Variants in FUT9 observed in about 807,000 individuals in gnomAD.
FUT9 encodes the protein 4-galactosyl-N-acetylglucosaminide 3-alpha-L-fucosyltransferase 9.
In FUT9, 15 loss-of-function variants were observed where a neutral mutation model predicts 29.7. That is an observed-to-expected ratio of 0.51 (90% CI 0.34 to 0.78). The LOEUF (loss-of-function observed/expected upper bound fraction) is 0.78. Among genes scored for constraint, FUT9 ranks in the 30% least tolerant of loss-of-function variants. The pLI, the probability that FUT9 is intolerant of heterozygous loss-of-function variation, is 0.01. For missense variants in FUT9, 319 were observed against 425.4 expected, an observed-to-expected ratio of 0.75 and a Z score of 2.20; for synonymous variants, 169 against 153.7, an observed-to-expected ratio of 1.10 and a Z score of -0.74.
At chr6:96,130,518 C>T (rs990750794) in intron 2 of FUT9, among the ~76,000 whole-genome samples, 4 of 152,088 alleles carry the variant, frequency 2.6e-5, no homozygotes, top group Non-Finnish European at 5.9e-5. Flanking sequence ...AAAGCAGAGA[C>T]ATTGTTCTTG....
intron 2 of FUT9, among the ~76,000 whole-genome samples, chr6:96,158,380 G>T (rs889063779): frequency 3.9e-5 from 6 of 152,114 alleles, no homozygotes; most frequent in African/African-American, 1.4e-4. Flanking sequence ...TATATGATAT[G>T]TGTGTATGTA....
chr6:96,199,200 G>A (rs1773684547), intron 2 of FUT9, among the ~76,000 whole-genome samples: 1 of 152,132 alleles, frequency 6.6e-6, no homozygotes, highest in Non-Finnish European at 1.5e-5. Context: ...ACTGCTGCAG[G>A]TGTTTTTAAA....
chr6:96,208,497 A>G lies in FUT9; in HGVS notation c.*4262A>G, dbSNP rs1313201359. On this transcript the variant is annotated 3_prime_UTR_variant, in exon 3 of 3. Coordinates refer to ENST00000302103, the MANE Select transcript of FUT9 (RefSeq NM_006581.4). Reference sequence around the variant, plus strand: ...GAGGGTCATATCAAATACTTGTTGAATAAATACATGAATGTGATAAGTGGT... The same window carrying G: ...GAGGGTCATATCAAATACTTGTTGAGTAAATACATGAATGTGATAAGTGGT... 1 of 166,912 alleles carries G rather than the reference A, an allele frequency of 6.0e-6. No homozygotes were observed. The highest frequency in any genetic ancestry group is 1.5e-5 in the Non-Finnish European group (1 of 68,028). The allele number at this position is 166,912 out of a possible 1,614,324, so 10.3% of individuals were successfully genotyped here.
intron 2 of FUT9, among the ~76,000 whole-genome samples, chr6:96,132,244 C>G (rs1157719334): frequency 6.6e-6 from 1 of 150,728 alleles, no homozygotes; most frequent in East Asian, 1.9e-4. Context: ...CTCCATGAAA[C>G]TTTTTATTAG....
intron 1 of FUT9, chr6:96,037,267 G>A (rs1770380154): frequency 6.6e-6 from 1 of 152,016 alleles, no homozygotes; most frequent in African/African-American, 2.4e-5. Context: ...TAAGGTCTAA[G>A]GAAGCTAAAT....
At position 96,180,315 on chromosome 6, in the gene FUT9, T is replaced by C. The variant is rs182311954; in HGVS notation, c.-8-22833T>C. On this transcript the variant is annotated intron_variant, in intron 2 of 2. Transcript: ENST00000302103. ...AGTTTTTAGATGAATAACTGAGACATGGAAGGTTGGGGATGTTGCCCAAAA... is the reference window on the plus strand; with the variant it reads ...AGTTTTTAGATGAATAACTGAGACACGGAAGGTTGGGGATGTTGCCCAAAA... Among the ~76,000 whole-genome samples the C allele has an allele frequency of 4.7e-3, 718 of 152,108 alleles. 7 individuals are homozygous for C. The highest frequency in any genetic ancestry group is 0.017 in the African/African-American group (695 of 41,514).
intron 1 of FUT9, among the ~76,000 whole-genome samples, chr6:96,073,589 G>T (rs1031738512): frequency 2.0e-5 from 3 of 152,186 alleles, no homozygotes; most frequent in Admixed American, 2.0e-4. Flanking sequence ...CAAGAGTGAG[G>T]TCAGGTTGAG....
chr6:96,109,645 C>G (rs1481046008), intron 1 of FUT9, among the ~76,000 whole-genome samples: 4 of 152,156 alleles, frequency 2.6e-5, no homozygotes, highest in Non-Finnish European at 5.9e-5. Flanking sequence ...ACACTTATTT[C>G]CACCAAACCT....
chr6:96,069,306 G>C (rs1401477117), intron 1 of FUT9, among the ~76,000 whole-genome samples: 1 of 134,958 alleles, frequency 7.4e-6, no homozygotes, highest in African/African-American at 2.7e-5. Context: ...GGGCTACAGA[G>C]CATGACTCCA....
chr6:96,080,223 A>G (rs1192768719), intron 1 of FUT9, among the ~76,000 whole-genome samples: 1 of 18,566 alleles, frequency 5.4e-5, no homozygotes, highest in Non-Finnish European at 2.1e-4. Flanking sequence ...TGTGTTTCTA[A>G]AAAAAAAGCC....
chr6:96,202,138 T>C (rs186367121), intron 2 of FUT9, among the ~76,000 whole-genome samples: 18 of 152,106 alleles, frequency 1.2e-4, no homozygotes, highest in African/African-American at 3.9e-4. Context: ...TAAACAGTTT[T>C]TGCAAATATA....
chr6:96,121,856 CTCT>C, intron 2 of FUT9, among the ~76,000 whole-genome samples: 1 of 16,968 alleles, frequency 5.9e-5, no homozygotes, highest in Non-Finnish European at 2.1e-4. Flanking sequence ...TAAAATAAAT[CTCT>C]ATGTTGCTAA....
At chr6:96,131,455 C>T (rs993049910) in intron 2 of FUT9, among the ~76,000 whole-genome samples, 7 of 152,176 alleles carry the variant, frequency 4.6e-5, no homozygotes, top group African/African-American at 1.7e-4. Flanking sequence ...CACACACATA[C>T]ACACGAACAC....
chr6:96,055,699 ATTTCTT>A (rs770687146), intron 1 of FUT9, among the ~76,000 whole-genome samples: 1 of 87,120 alleles, frequency 1.1e-5, no homozygotes, highest in Non-Finnish European at 2.4e-5. Flanking sequence ...TTTGTTTTCT[ATTTCTT>A]TTTCTTTTTT....
At chr6:96,172,599 G>T (rs1773132501) in intron 2 of FUT9, among the ~76,000 whole-genome samples, 1 of 151,912 alleles carries the variant, frequency 6.6e-6, no homozygotes, top group Non-Finnish European at 1.5e-5. Context: ...CATACCACCA[G>T]TGTTTAGAGA....
intron 1 of FUT9, among the ~76,000 whole-genome samples, chr6:96,037,746 A>G (rs1770388880): frequency 1.3e-5 from 2 of 152,148 alleles, no homozygotes; most frequent in East Asian, 1.9e-4. Flanking sequence ...AGAGAAATGT[A>G]CTTATAAACA....
intron 2 of FUT9, among the ~76,000 whole-genome samples, chr6:96,165,179 C>A (rs1028411459): frequency 2.6e-5 from 4 of 152,156 alleles, no homozygotes; most frequent in African/African-American, 9.7e-5. Flanking sequence ...CACCTGTAAT[C>A]CCAGCACTTT....
chr6:96,188,446 G>A (rs1773443802), intron 2 of FUT9, among the ~76,000 whole-genome samples: 1 of 152,030 alleles, frequency 6.6e-6, no homozygotes, highest in South Asian at 2.1e-4. Flanking sequence ...ACAGGCATGA[G>A]CCACTGCACT....
At chr6:96,085,536 C>T (rs187002492) in intron 1 of FUT9, among the ~76,000 whole-genome samples, 25 of 152,264 alleles carry the variant, frequency 1.6e-4, no homozygotes, top group African/African-American at 5.5e-4. Context: ...TTGGAGGACA[C>T]AAACATTCAA....
Sources: allele counts gnomAD v4.1 joint callset (sites outside exome capture counted in the v4.1 genomes callset), GRCh38; gene constraint gnomAD v4.1.1; transcripts MANE v1.5; gene names NCBI Gene and HGNC (gene_info 2026-07-23, HGNC 2026-07-21).